Variants in NEB observed in about 807,000 individuals in gnomAD.
NEB encodes nebulin.
NEB carries 512 observed loss-of-function variants against 952.2 expected under a neutral mutation model. That is an observed-to-expected ratio of 0.54 (90% CI 0.50 to 0.58). The LOEUF is 0.58. Ranked by LOEUF, NEB falls within the 20% of genes least tolerant of loss-of-function variation. NEB has a pLI of 0.00. For missense variants in NEB, 8,428 were observed against 9,231.1 expected (o/e 0.91, Z 3.56); for synonymous variants, 2,900 against 3,149.8 (o/e 0.92, Z 2.66).
At position 151,531,678 on chromosome 2, in the gene NEB, T is replaced by C. The variant is rs139136694; in HGVS notation, c.21522+114A>G. The C allele has an allele frequency of 2.6e-3, 2,056 of 783,074 alleles. 28 individuals carry two copies. In the East Asian group the frequency reaches 0.031, roughly 12 times the overall value. 48.5% of individuals were successfully genotyped at this position (783,074 alleles called of 1,614,324 possible). A position where few individuals can be genotyped will look rare whatever the true frequency, so the allele number is the denominator to read the frequency against. On this transcript the variant is annotated intron_variant, in intron 144 of 181. Transcript: ENST00000397345. ...TAACAGGACATCTCGCACCCCTGCCTCCCTCCCACTAAATGGCAGTAGTCT... is the reference window on the plus strand; with the variant it reads ...TAACAGGACATCTCGCACCCCTGCCCCCCTCCCACTAAATGGCAGTAGTCT...
chr2:151,709,064 A>G (rs1296159070), intron 12 of NEB, among the ~76,000 whole-genome samples: 3 of 152,216 alleles, frequency 2.0e-5, no homozygotes, highest in Non-Finnish European at 4.4e-5. Flanking sequence ...TTTAGTGACC[A>G]TCGTGCTTTA....
At chr2:151,495,864 T>C (rs1279872313) in intron 173 of NEB, among the ~76,000 whole-genome samples, 1 of 152,132 alleles carries the variant, frequency 6.6e-6, no homozygotes, top group East Asian at 1.9e-4. Context: ...TCTGACAGGG[T>C]AAATTAGAAC....
intron 165 of NEB, 150 bp downstream of exon 165, chr2:151,505,328 C>A: frequency 1.6e-6 from 1 of 626,204 alleles, no homozygotes; most frequent in Non-Finnish European, 2.7e-6. Context: ...CTTTTGCAAC[C>A]TGTAGTGACC....
intron 142 of NEB, among the ~76,000 whole-genome samples, chr2:151,534,613 C>T (rs1011667918): frequency 6.6e-6 from 1 of 152,186 alleles, no homozygotes; most frequent in Non-Finnish European, 1.5e-5. Context: ...TTTATGGCAT[C>T]TAACGGTATA....
In NEB at chr2:151,526,228, C is replaced by G. The variant is rs751167749; in HGVS notation, c.21980G>C (p.Gly7327Ala). 1.2e-6 allele frequency: 2 copies of G among 1,612,924 alleles called. No individual in the cohort carries two copies. The part of the protein sequence containing the change: ...KYKEKHVKER[G>A]TCHAVPDTPQ... ...CGTGTCAGGTACGGCATGGCAGGTT[C>G]CTCTTTCCTTGACATGTTTCTCTTT... Residue 7327 changes from glycine (G) to alanine (A), a missense_variant, in exon 149 of 182, where the codon GGA becomes GCA. By Grantham distance (60) the Gly-to-Ala change is moderately conservative. This residue lies in a region of NEB where 3,374 missense variants were observed against 3,651.5 expected (regional missense o/e 0.92). Coordinates refer to ENST00000397345, the MANE Select transcript of NEB (RefSeq NM_001164508.2).
intron 138 of NEB, among the ~76,000 whole-genome samples, chr2:151,539,566 G>A (rs924184885): frequency 1.3e-5 from 2 of 152,152 alleles, no homozygotes; most frequent in Non-Finnish European, 2.9e-5. Flanking sequence ...GTCCCAACAT[G>A]TCTAGTCCTC....
At chr2:151,679,661 A>AGCCC in intron 32 of NEB, 60 bp downstream of exon 32, 3 of 492,384 alleles carry the variant, frequency 6.1e-6, no homozygotes, top group Non-Finnish European at 1.2e-5. Flanking sequence ...TCATCGTCAG[A>AGCCC]CCCCAAGCCC....
At chr2:151,531,990 G>A in intron 143 of NEB, 94 bp from the exon 144 acceptor site, 2 of 707,874 alleles carry the variant, frequency 2.8e-6, no homozygotes, top group South Asian at 1.9e-5. Context: ...GTGGGAGATG[G>A]TATCTAGCTT....
Position 151,524,536 on chromosome 2 carries a change from C to G in NEB, c.22353G>C (p.Gln7451His). ...TTACCTCACTGGCCTGTTTGGCTGCCTGTGTGGCCTTCTTGATGTCTGGTC... is the reference window on the plus strand; with the variant it reads ...TTACCTCACTGGCCTGTTTGGCTGCGTGTGTGGCCTTCTTGATGTCTGGTC... The part of the protein sequence containing the change: ...ADRPDIKKAT[Q>H]AAKQASEVEY... Residue 7451 changes from glutamine (Q) to histidine (H), a missense_variant, in exon 152 of 182, where the codon CAG becomes CAC. Gln to His is a conservative substitution (Grantham distance 24, BLOSUM62 0). Coordinates refer to ENST00000397345, the MANE Select transcript of NEB (RefSeq NM_001164508.2). 2.5e-6 allele frequency: 4 copies of G among 1,613,662 alleles called. No individual in the cohort carries two copies. The highest frequency in any genetic ancestry group is 3.4e-6 in the Non-Finnish European group (4 of 1,179,846).
Position 151,733,197 on chromosome 2 carries a change from C to T in NEB, c.-29-12G>A. 6.4e-7 allele frequency: 1 copy of T among 1,553,474 alleles called. No individual in the cohort carries two copies. The highest frequency in any genetic ancestry group is 8.8e-7 in the Non-Finnish European group (1 of 1,137,498). ...GTGGCACCTACAAACTTTTCATATT[C>T]CATACAAATGAAAACATATTAGAGT... On this transcript the variant is annotated splice_polypyrimidine_tract_variant and intron_variant, in intron 2 of 181. Transcript: ENST00000397345.
rs2098234605 is a variant in NEB, at chr2:151,617,353, A to C, written c.11181+11T>G. The C allele has an allele frequency of 6.6e-7, 1 of 1,520,498 alleles. No individual in the cohort carries two copies. Among genetic ancestry groups the C allele is most frequent in the African/African-American group, 1.4e-5 (1 of 72,622 alleles). The allele number at this position is 1,520,498 out of a possible 1,614,324, so 94.2% of individuals were successfully genotyped here. ...CCTTTCTGTTCATTACAAGATCAAC[A>C]GTTTACTTACATCACTGTAGTTTAT... On this transcript the variant is annotated intron_variant, in intron 75 of 181. Transcript: ENST00000397345.
chr2:151,497,505 C>T, intron 171 of NEB, 121 bp downstream of exon 171: 1 of 1,491,100 alleles, frequency 6.7e-7, no homozygotes, highest in East Asian at 2.5e-5. Context: ...GATAAATTTG[C>T]TAAAGAAATT....
intron 3 of NEB, among the ~76,000 whole-genome samples, chr2:151,730,292 G>A (rs2099803034): frequency 6.6e-6 from 1 of 152,096 alleles, no homozygotes; most frequent in Non-Finnish European, 1.5e-5. Flanking sequence ...AAGTAATGAA[G>A]GGGAAAATGA....
intron 131 of NEB, 144 bp downstream of exon 131, chr2:151,548,163 AT>A (rs1274919735): frequency 1.9e-5 from 13 of 702,214 alleles, no homozygotes; most frequent in Non-Finnish European, 2.9e-5. Flanking sequence ...AAATATCAGT[AT>A]CAAAATGTGA....
chr2:151,614,588 C>A lies in NEB; in HGVS notation c.11290-1G>T. ...TGCGGTAGCCTTCCTTGTACTTGTACTAAAAAAATAGAGATATGAGTATAA... is the reference window on the plus strand; with the variant it reads ...TGCGGTAGCCTTCCTTGTACTTGTAATAAAAAAATAGAGATATGAGTATAA... On this transcript the variant is annotated splice_acceptor_variant, in intron 76 of 181. Transcript: ENST00000397345. LOFTEE classifies it high-confidence loss of function. The A allele has an allele frequency of 1.2e-6, 2 of 1,610,178 alleles. No individual in the cohort carries two copies. The highest frequency in any genetic ancestry group is 1.7e-6 in the Non-Finnish European group (2 of 1,177,456).
rs116692677 is a variant in NEB at position 151,534,883 on chromosome 2, G to C, written c.21312+808C>G. On this transcript the variant is annotated intron_variant, in intron 142 of 181. Coordinates refer to ENST00000397345, the MANE Select transcript of NEB (RefSeq NM_001164508.2). ...TCTGGAAATCTACTGAAAGTGAACT[G>C]AATCAAATGTAAAGACAACAAACAA... Among the ~76,000 whole-genome samples the C allele has an allele frequency of 2.1e-3, 325 of 152,262 alleles. 2 individuals are homozygous for C. The highest frequency in any genetic ancestry group is 7.3e-3 in the African/African-American group (304 of 41,544).
intron 142 of NEB, among the ~76,000 whole-genome samples, chr2:151,535,031 TA>T (rs1387364960): frequency 6.6e-6 from 1 of 152,260 alleles, no homozygotes; most frequent in Non-Finnish European, 1.5e-5. Flanking sequence ...AATAGGAAAT[TA>T]AATACAACTT....
At chr2:151,535,634 C>CT in intron 142 of NEB, 57 bp downstream of exon 142, 1 of 1,112,444 alleles carries the variant, frequency 9.0e-7, no homozygotes, top group East Asian at 2.6e-5. Context: ...TAAAAAAACT[C>CT]TGAGACTTCT....
Position 151,526,171 on chromosome 2 carries a change from T to A in NEB, c.22037A>T (p.Asn7346Ile), listed in dbSNP as rs140982447. ...GCTGGGGGTTACCTCAGACACCAGG[T>A]TGCTGACAGTCTTCGCCAGCAGGAT... ...PQILLAKTVS[N>I]LVSENKYKDH... The change falls in exon 149 of 182, where the codon AAC becomes ATC. Residue 7346 changes from asparagine (N) to isoleucine (I), a missense_variant. Physicochemically the swap from Asn to Ile is moderately radical, Grantham distance 149 (BLOSUM62 -3). This residue lies in a region of NEB where 3,374 missense variants were observed against 3,651.5 expected (regional missense o/e 0.92). Transcript: ENST00000397345. 1.4e-4 allele frequency: 222 copies of A among 1,613,950 alleles called. 2 individuals are homozygous for A. In the East Asian group the frequency reaches 4.7e-3, roughly 34 times the overall value.
Sources: gnomAD v4.1 joint callset for allele counts (sites outside exome capture counted in the v4.1 genomes callset) on GRCh38, gnomAD v4.1.1 for gene constraint, gnomAD v4.1.1 regional missense constraint, MANE v1.5 for transcripts, NCBI Gene and HGNC (gene_info 2026-07-23, HGNC 2026-07-21) for gene names.